Variants in FYCO1 observed in about 807,000 individuals in gnomAD.
FYCO1 encodes the protein FYVE and coiled-coil domain-containing protein 1.
FYCO1 carries 122 observed loss-of-function variants against 165.1 expected under a neutral mutation model. The observed-to-expected ratio is 0.74, with a 90% CI of 0.64 to 0.86. The LOEUF (loss-of-function observed/expected upper bound fraction) is 0.86. Ranked by LOEUF, FYCO1 falls within the 40% of genes least tolerant of loss-of-function variation. The probability of loss-of-function intolerance (pLI) is 0.00; values close to 1 mark genes in which losing one functional copy is unlikely to be tolerated. For synonymous variants in FYCO1, 648 were observed against 742.5 expected (o/e 0.87, Z 2.07); for missense variants, 1,702 against 1,810.3 (o/e 0.94, Z 1.09).
chr3:45,964,206 T>C lies in FYCO1; in HGVS notation c.3269+130A>G. The C allele has an allele frequency of 1.2e-6, 1 of 804,804 alleles. No homozygotes were observed. The highest frequency in any genetic ancestry group is 2.2e-6 in the Non-Finnish European group (1 of 457,948). The allele number at this position is 804,804 out of a possible 1,614,324, so 49.9% of individuals were successfully genotyped here. ...TGGCATGCTTCCAGCAGAAGCACTT[T>C]CTGAGTTTGTGGCTTTTCTTGCAAA... is the stretch of plus-strand genomic sequence containing the variant. On this transcript the variant is annotated intron_variant, in intron 10 of 17. Transcript: ENST00000296137. This position sits in a 1 kb window ranked among gnomAD's most constrained non-coding sequence, Gnocchi z 4.1.
intron 14 of FYCO1, chr3:45,946,838 C>T (rs754361390): frequency 6.2e-7 from 1 of 1,614,232 alleles, no homozygotes; most frequent in Non-Finnish European, 8.5e-7. Flanking sequence ...CCATGCTCAT[C>T]CTCACCTGCA....
intron 14 of FYCO1, among the ~76,000 whole-genome samples, chr3:45,939,561 T>C (rs1351968531): frequency 6.6e-6 from 1 of 152,246 alleles, no homozygotes. Flanking sequence ...AGTACAGATC[T>C]GCTTGTTTAG....
intron 6 of FYCO1, among the ~76,000 whole-genome samples, chr3:45,972,411 T>A (rs916706658): frequency 6.6e-6 from 1 of 152,210 alleles, no homozygotes; most frequent in Admixed American, 6.5e-5. Context: ...ATAAAAAATA[T>A]GAATGTTAAA....
At chr3:45,946,294 C>A in intron 14 of FYCO1, 1 of 575,498 alleles carries the variant, frequency 1.7e-6, no homozygotes, top group Non-Finnish European at 3.1e-6. Flanking sequence ...GCAATTTCCC[C>A]TCAGAATTGG....
intron 16 of FYCO1, among the ~76,000 whole-genome samples, chr3:45,928,625 TCTC>T (rs1413977729): frequency 6.6e-6 from 1 of 152,054 alleles, no homozygotes; most frequent in African/African-American, 2.4e-5. Flanking sequence ...CCTGGATGCT[TCTC>T]CTCAAGCCCA....
chr3:45,963,873 A>G (rs2125845267), intron 10 of FYCO1, among the ~76,000 whole-genome samples: 1 of 152,264 alleles, frequency 6.6e-6, no homozygotes, highest in Non-Finnish European at 1.5e-5. Flanking sequence ...TCCTTGGCAC[A>G]CTCATCTTCC....
intron 17 of FYCO1, 80 bp from the exon 18 acceptor site, chr3:45,921,920 T>C (rs1053864657): frequency 2.9e-5 from 25 of 863,126 alleles, no homozygotes; most frequent in Non-Finnish European, 5.0e-5. Flanking sequence ...CTGAGGCCTC[T>C]GTGGTCACTG....
intron 14 of FYCO1, among the ~76,000 whole-genome samples, chr3:45,942,359 A>G (rs1198892719): frequency 6.6e-6 from 1 of 152,240 alleles, no homozygotes; most frequent in East Asian, 1.9e-4. Context: ...GGCTTGCGGT[A>G]GAAATGAGTG....
chr3:45,923,152 G>A (rs1189739198), intron 17 of FYCO1, among the ~76,000 whole-genome samples: 4 of 152,188 alleles, frequency 2.6e-5, no homozygotes, highest in Non-Finnish European at 4.4e-5. Context: ...GGCACCTGTC[G>A]CTCCCGCCAC....
In FYCO1 at chr3:45,959,879, C is replaced by T. The variant is rs564272448; in HGVS notation, c.3438-337G>A. Among the ~76,000 whole-genome samples the T allele has an allele frequency of 2.0e-5, 3 of 152,352 alleles. No individual in the cohort carries two copies. The South Asian group carries it at 6.2e-4, about 32-fold the overall frequency. On this transcript the variant is annotated intron_variant, in intron 11 of 17. Transcript: ENST00000296137. ...CACTGGGAGTTTAAGCTAAAACGTGCTGCCATGCCGACGGCGTGCAGTAAG... is the reference window on the plus strand; with the variant it reads ...CACTGGGAGTTTAAGCTAAAACGTGTTGCCATGCCGACGGCGTGCAGTAAG...
At chr3:45,940,385 A>C (rs57204020) in intron 14 of FYCO1, among the ~76,000 whole-genome samples, 29,022 of 152,140 alleles carry the variant, frequency 0.19, 2,891 homozygotes, top group East Asian at 0.29. Flanking sequence ...AAGCACGCAC[A>C]CTAAGAGGCA....
intron 1 of FYCO1, 45 bp from the exon 2 acceptor site, chr3:45,985,067 C>G (rs545662700): frequency 1.3e-6 from 1 of 742,240 alleles, no homozygotes; most frequent in Non-Finnish European, 2.5e-6. Flanking sequence ...GATACAGACA[C>G]AATTTAACGA....
At chr3:45,921,965 A>AT in intron 17 of FYCO1, 125 bp from the exon 18 acceptor site, 1 of 719,618 alleles carries the variant, frequency 1.4e-6, no homozygotes, top group South Asian at 1.5e-5. Flanking sequence ...CTGGAGCCCC[A>AT]TGCCCCATTT....
chr3:45,919,949 GAGA>G lies in FYCO1; in HGVS notation c.*1813_*1815del, dbSNP rs1390353902. On this transcript the variant is annotated 3_prime_UTR_variant, in exon 18 of 18. Coordinates refer to ENST00000296137, the MANE Select transcript of FYCO1 (RefSeq NM_024513.4). Reference sequence around the variant, plus strand: ...TAAGCATGGTCAGAGCCTTGGCCAGGAGAAGATGATTGAGCACCTGATGGCTTT... The same window carrying G: ...TAAGCATGGTCAGAGCCTTGGCCAGGAGATGATTGAGCACCTGATGGCTTT... 6.6e-6 allele frequency: 1 copy of G among 152,210 alleles called. No individual in the cohort carries two copies. Among genetic ancestry groups the G allele is most frequent in the African/African-American group, 2.4e-5 (1 of 41,454 alleles). The allele number at this position is 152,210 out of a possible 1,614,324, so 9.4% of individuals were successfully genotyped here.
chr3:45,955,388 T>C lies in FYCO1; in HGVS notation c.3805A>G (p.Asn1269Asp). The change falls in exon 14 of 18, where the codon AAT becomes GAT. Residue 1269 changes from asparagine to aspartate, a missense_variant. Physicochemically the swap from Asn to Asp is conservative, Grantham distance 23 (BLOSUM62 1). Coordinates refer to ENST00000296137, the MANE Select transcript of FYCO1 (RefSeq NM_024513.4). ...TCGTCCGGTGGCCTGTAGTCTGTATTTGCTCCTGGGCAGCAGAGGCAGATC... is the reference window on the plus strand; with the variant it reads ...TCGTCCGGTGGCCTGTAGTCTGTATCTGCTCCTGGGCAGCAGAGGCAGATC... ...GPQATGGQGANTDYRPPDDAV... is the reference protein window; with the variant it reads ...GPQATGGQGADTDYRPPDDAV... 1 of 1,614,154 alleles carries C rather than the reference T, an allele frequency of 6.2e-7. No homozygotes were observed. Among genetic ancestry groups the C allele is most frequent in the Non-Finnish European group, 8.5e-7 (1 of 1,180,028 alleles).
At chr3:45,990,699 C>G (rs1324924225) in intron 1 of FYCO1, among the ~76,000 whole-genome samples, 1 of 152,186 alleles carries the variant, frequency 6.6e-6, no homozygotes, top group Non-Finnish European at 1.5e-5. Flanking sequence ...ATCCTTGCCC[C>G]ACCATACAAA....
intron 1 of FYCO1, among the ~76,000 whole-genome samples, chr3:45,989,195 C>T (rs1327066324): frequency 6.6e-6 from 1 of 152,188 alleles, no homozygotes; most frequent in Non-Finnish European, 1.5e-5. Flanking sequence ...GGATTCCTCC[C>T]CCAGTCCCAA....
intron 2 of FYCO1, among the ~76,000 whole-genome samples, chr3:45,982,193 C>A (rs994381825): frequency 2.6e-5 from 4 of 152,100 alleles, no homozygotes; most frequent in Non-Finnish European, 1.5e-5. Flanking sequence ...AGGGGCTGGG[C>A]CTTTACATGT....
In FYCO1 at chr3:45,967,743, C is replaced by A. The variant is rs1706162969; in HGVS notation, c.1591G>T (p.Asp531Tyr). 4 of 1,613,222 alleles carry A rather than the reference C, an allele frequency of 2.5e-6. No homozygotes were observed. The highest frequency in any genetic ancestry group is 3.4e-6 in the Non-Finnish European group (4 of 1,180,044). ...QLAQVSQHVS[D>Y]LEEQKKQLIQ... is the part of the protein sequence containing the mutation. Reference sequence around the variant, plus strand: ...AGCTGCTTCTTCTGCTCCTCCAGGTCACTCACATGTTGGCTCACCTGTGCC... The same window carrying A: ...AGCTGCTTCTTCTGCTCCTCCAGGTAACTCACATGTTGGCTCACCTGTGCC... The change falls in exon 8 of 18, where the codon GAC becomes TAC. Residue 531 changes from aspartate (D) to tyrosine (Y), a missense_variant. Asp to Tyr is a radical substitution (Grantham distance 160, BLOSUM62 -3). Transcript: ENST00000296137.
Sources: gnomAD v4.1 joint callset for allele counts (sites outside exome capture counted in the v4.1 genomes callset) on GRCh38, gnomAD v4.1.1 for gene constraint, Gnocchi (gnomAD v3.1) non-coding constraint, MANE v1.5 for transcripts, NCBI Gene and HGNC (gene_info 2026-07-23, HGNC 2026-07-21) for gene names.